Variants in RCOR1 observed in about 807,000 individuals in gnomAD.
The protein encoded by RCOR1 is REST corepressor 1.
A neutral mutation model predicts 64.0 loss-of-function variants in RCOR1; 12 were observed. That is an observed-to-expected ratio of 0.19 (90% CI 0.12 to 0.30). The LOEUF is 0.30. RCOR1 is among the 10% of genes least tolerant of loss of function. The pLI is 1.00. For missense variants in RCOR1, 502 were observed against 621.2 expected (o/e 0.81, Z 2.04); for synonymous variants, 279 against 227.2 (o/e 1.23, Z -2.05).
intron 10 of RCOR1, 85 bp from the exon 11 acceptor site, chr14:102,722,102 T>C (rs1294324307): frequency 3.1e-6 from 3 of 959,558 alleles, no homozygotes; most frequent in South Asian, 3.1e-5. Flanking sequence ...TGTTTTCTTA[T>C]CTGGATAAAG....
chr14:102,657,683 C>G, intron 2 of RCOR1: 3 of 433,056 alleles, frequency 6.9e-6, no homozygotes, highest in Non-Finnish European at 9.2e-6. Context: ...AGTAAAAATA[C>G]AAAAATTAGC....
chr14:102,593,989 A>G (rs576107206), intron 2 of RCOR1, among the ~76,000 whole-genome samples: 50 of 152,332 alleles, frequency 3.3e-4, no homozygotes, highest in African/African-American at 1.1e-3. Flanking sequence ...AGATTGTGAA[A>G]TTGAGAAGCA....
chr14:102,706,688 G>A (rs984152191), intron 4 of RCOR1, among the ~76,000 whole-genome samples: 1 of 152,116 alleles, frequency 6.6e-6, no homozygotes, highest in African/African-American at 2.4e-5. Context: ...TTAGCCGGGT[G>A]TGGTGGCATG....
At chr14:102,594,116 G>C (rs1893193615) in intron 2 of RCOR1, among the ~76,000 whole-genome samples, 1 of 152,060 alleles carries the variant, frequency 6.6e-6, no homozygotes, top group Non-Finnish European at 1.5e-5. Context: ...AGTGGTACAA[G>C]AAAAAAAATC....
chr14:102,720,216 G>T (rs935428682), intron 8 of RCOR1, among the ~76,000 whole-genome samples: 1 of 152,178 alleles, frequency 6.6e-6, no homozygotes, highest in Non-Finnish European at 1.5e-5. Context: ...AGAGTTCCCT[G>T]GTGCTTGACA....
rs549037821 is a variant in RCOR1, at chr14:102,641,387, C to T, written c.362-40508C>T. ...GGCTGAGGCGGGTGGATCACTTGAG[C>T]CCAGGAGTTCGGGACCAACCTGGGC... On this transcript the variant is annotated intron_variant, in intron 2 of 11. Coordinates refer to ENST00000262241, the MANE Select transcript of RCOR1 (RefSeq NM_015156.4). Among the ~76,000 whole-genome samples, 189 of 152,150 alleles carry T rather than the reference C, an allele frequency of 1.2e-3. 1 individual carries two copies. Among genetic ancestry groups the T allele is most frequent in the Non-Finnish European group, 2.1e-3 (146 of 68,002 alleles).
chr14:102,614,966 G>A (rs1893723690), intron 2 of RCOR1, among the ~76,000 whole-genome samples: 1 of 151,760 alleles, frequency 6.6e-6, no homozygotes. Context: ...CGAGTAGCTG[G>A]GAGTACAGGC....
At chr14:102,676,351 A>T (rs374235509) in intron 2 of RCOR1, among the ~76,000 whole-genome samples, 2 of 112,528 alleles carry the variant, frequency 1.8e-5, no homozygotes, top group African/African-American at 7.3e-5. Context: ...TGACCCCCCC[A>T]CCACCCTCCC....
chr14:102,628,375 C>T (rs1248590216), intron 2 of RCOR1, among the ~76,000 whole-genome samples: 1 of 152,160 alleles, frequency 6.6e-6, no homozygotes, highest in Non-Finnish European at 1.5e-5. Flanking sequence ...CTTTTCTTCA[C>T]TTGACATTTA....
Position 102,604,175 on chromosome 14 carries a change from C to T in RCOR1, c.361+10850C>T, listed in dbSNP as rs1893457556. ...TCATCTCATTTTGGCCTGCTATTAG[C>T]TAGTTGACCCAAATCACAGTGCTGG... On this transcript the variant is annotated intron_variant, in intron 2 of 11. Transcript: ENST00000262241. Among the ~76,000 whole-genome samples, 3 of 152,248 alleles carry T rather than the reference C, an allele frequency of 2.0e-5. No individual in the cohort carries two copies. The South Asian group carries it at 6.2e-4, about 32-fold the overall frequency.
intron 2 of RCOR1, among the ~76,000 whole-genome samples, chr14:102,628,318 C>T (rs927146637): frequency 6.6e-6 from 1 of 152,172 alleles, no homozygotes. Context: ...CATCTGGGCA[C>T]TCTATGCTGT....
At chr14:102,715,629 C>T (rs1343844152) in intron 8 of RCOR1, among the ~76,000 whole-genome samples, 1 of 151,936 alleles carries the variant, frequency 6.6e-6, no homozygotes, top group Non-Finnish European at 1.5e-5. Flanking sequence ...GTGATCTGCC[C>T]GCCTCAGCCT....
chr14:102,709,715 T>C (rs1895920021), intron 6 of RCOR1, among the ~76,000 whole-genome samples: 2 of 152,234 alleles, frequency 1.3e-5, no homozygotes, highest in African/African-American at 4.8e-5. Flanking sequence ...TAGGTTTATT[T>C]ATGGATGAGT....
chr14:102,710,839 A>G, intron 6 of RCOR1, 96 bp from the exon 7 acceptor site: 1 of 807,044 alleles, frequency 1.2e-6, no homozygotes, highest in Admixed American at 2.6e-5. Flanking sequence ...TATATTTGGT[A>G]AAATTAGTAC....
intron 2 of RCOR1, among the ~76,000 whole-genome samples, chr14:102,621,443 A>G (rs990896647): frequency 2.2e-5 from 3 of 138,710 alleles, no homozygotes; most frequent in Non-Finnish European, 4.5e-5. Flanking sequence ...TGGTGCAATC[A>G]CAGCTTACTG....
At chr14:102,673,421 C>T (rs141334183) in intron 2 of RCOR1, among the ~76,000 whole-genome samples, 13,534 of 151,264 alleles carry the variant, frequency 0.089, 664 homozygotes, top group Middle Eastern at 0.17. Flanking sequence ...ACTGCAAGCT[C>T]CGTCTCCTGG....
In RCOR1 at chr14:102,682,407, G is replaced by T. The variant is rs142178109; in HGVS notation, c.445+429G>T. Among the ~76,000 whole-genome samples, 1,413 of 152,316 alleles carry T rather than the reference G, an allele frequency of 9.3e-3. 24 individuals are homozygous for T. Among genetic ancestry groups the T allele is most frequent in the African/African-American group, 0.032 (1,337 of 41,558 alleles). ...GGCCTCCCAAAATGTTGGGATTACA[G>T]GTGTGAGCCACTGCGCCCTGTGATC... is the stretch of plus-strand genomic sequence containing the variant. On this transcript the variant is annotated intron_variant, in intron 3 of 11. Coordinates refer to ENST00000262241, the MANE Select transcript of RCOR1 (RefSeq NM_015156.4).
intron 2 of RCOR1, among the ~76,000 whole-genome samples, chr14:102,610,460 A>T (rs987504151): frequency 6.6e-6 from 1 of 152,162 alleles, no homozygotes; most frequent in Non-Finnish European, 1.5e-5. Flanking sequence ...CATATTGGAC[A>T]GCTCAGAATA....
chr14:102,716,562 G>C (rs542709019), intron 8 of RCOR1, among the ~76,000 whole-genome samples: 3 of 148,698 alleles, frequency 2.0e-5, no homozygotes, highest in African/African-American at 7.9e-5. Context: ...TCACTGTTTT[G>C]TTTTCATATG....
Sources: gnomAD v4.1 joint callset for allele counts (sites outside exome capture counted in the v4.1 genomes callset) on GRCh38, gnomAD v4.1.1 for gene constraint, MANE v1.5 for transcripts, NCBI Gene and HGNC (gene_info 2026-07-23, HGNC 2026-07-21) for gene names.